The following PIBF1 variants were observed in gnomAD, a reference collection of about 807,000 sequenced individuals.
The protein encoded by PIBF1 is progesterone immunomodulatory binding factor 1.
A neutral mutation model predicts 112.5 loss-of-function variants in PIBF1; 90 were observed. That is an observed-to-expected ratio of 0.80 (90% CI 0.67 to 0.95). The LOEUF (loss-of-function observed/expected upper bound fraction) is 0.95, where lower values mean the gene tolerates loss of function less well. Ranked by LOEUF, PIBF1 falls within the 40% of genes least tolerant of loss-of-function variation. PIBF1 has a pLI of 0.00. For synonymous variants in PIBF1, 301 were observed against 288.6 expected (o/e 1.04, Z -0.44); for missense variants, 915 against 852.3 (o/e 1.07, Z -0.92).
chr13:72,861,314 ATATAT>A (rs1566371565), intron 10 of PIBF1, among the ~76,000 whole-genome samples: 2 of 152,058 alleles, frequency 1.3e-5, no homozygotes, highest in East Asian at 1.9e-4. Context: ...TATTATGTAC[ATATAT>A]TATGTATTTT....
At chr13:72,985,263 C>T (rs2043249239) in intron 16 of PIBF1, among the ~76,000 whole-genome samples, 1 of 150,950 alleles carries the variant, frequency 6.6e-6, no homozygotes, top group Admixed American at 6.6e-5. Context: ...CGCAGTGGCT[C>T]ACGCCTGTAA....
In PIBF1 at chr13:72,786,926, T is replaced by G. The variant is rs184366898; in HGVS notation, c.252+3205T>G. Among the ~76,000 whole-genome samples the G allele has an allele frequency of 3.3e-5, 5 of 152,348 alleles. No individual in the cohort carries two copies. The East Asian group carries it at 9.6e-4, about 29-fold the overall frequency. ...GCACCTCTGTTGTAAGATGCATCAT[T>G]ACATACATTGCTAAGGTTAAACACT... is the stretch of plus-strand genomic sequence containing the variant. On this transcript the variant is annotated intron_variant, in intron 2 of 17. Coordinates refer to ENST00000326291, the MANE Select transcript of PIBF1 (RefSeq NM_006346.4).
intron 10 of PIBF1, among the ~76,000 whole-genome samples, chr13:72,866,811 C>T (rs2038947310): frequency 6.6e-6 from 1 of 151,830 alleles, no homozygotes; most frequent in Non-Finnish European, 1.5e-5. Flanking sequence ...ATTTTCGTTC[C>T]TTATTTTTTT....
rs375327445 is a variant in PIBF1, at chr13:72,928,211, G to A, written c.1731-2954G>A. Among the ~76,000 whole-genome samples, 22 of 150,930 alleles carry A rather than the reference G, an allele frequency of 1.5e-4. No homozygotes were observed. The South Asian group carries it at 4.0e-3, about 27-fold the overall frequency. ...CATCAACAGTCATACTAATACTCAC[G>A]GTCCTTCCCGTCACCATCAATTCTC... On this transcript the variant is annotated intron_variant, in intron 13 of 17. Coordinates refer to ENST00000326291, the MANE Select transcript of PIBF1 (RefSeq NM_006346.4).
In PIBF1 at chr13:72,998,845, T is replaced by G. The variant is rs370651159; in HGVS notation, c.2073T>G (p.Ile691Met). The change falls in exon 17 of 18, where the codon ATT (isoleucine) becomes ATG (methionine). Residue 691 changes from isoleucine (I) to methionine (M), a missense_variant. Transcript: ENST00000326291. ...AGGAATTGGCAGCAATGAAACAGAT[T>G]CTCGTTAAGATGCATAGTAAACATT... is the stretch of plus-strand genomic sequence containing the variant. ...HREELAAMKQILVKMHSKHSE... is the reference protein window; with the variant it reads ...HREELAAMKQMLVKMHSKHSE... The G allele has an allele frequency of 1.6e-5, 26 of 1,611,678 alleles. No individual in the cohort carries two copies. Among genetic ancestry groups the G allele is most frequent in the Non-Finnish European group, 1.6e-5 (19 of 1,179,042 alleles).
chr13:72,968,141 G>A lies in PIBF1; in HGVS notation c.1964+2737G>A, dbSNP rs574559858. 1.4e-4 allele frequency among the ~76,000 whole-genome samples: 21 copies of A among 151,750 alleles called. 1 individual carries two copies. In the East Asian group the frequency reaches 3.6e-3, roughly 26 times the overall value. ...AGAGCTTGCAGTGAGCCGAGATTGC[G>A]CCACTGCACTCCAACCTGGGCGACA... On this transcript the variant is annotated intron_variant, in intron 15 of 17. Transcript: ENST00000326291.
At chr13:72,975,550 C>T (rs1383548285) in intron 16 of PIBF1, among the ~76,000 whole-genome samples, 1 of 152,092 alleles carries the variant, frequency 6.6e-6, no homozygotes, top group Non-Finnish European at 1.5e-5. Context: ...TTGTCTGTAT[C>T]TGAGAAATGG....
At chr13:72,991,689 G>A (rs2043485970) in intron 16 of PIBF1, among the ~76,000 whole-genome samples, 2 of 151,506 alleles carry the variant, frequency 1.3e-5, no homozygotes, top group South Asian at 4.2e-4. Context: ...AGGAATTCAA[G>A]ACCAGCCTGG....
intron 10 of PIBF1, among the ~76,000 whole-genome samples, chr13:72,869,958 TATC>T (rs1162013346): frequency 6.6e-6 from 1 of 152,172 alleles, no homozygotes; most frequent in Admixed American, 6.5e-5. Context: ...ATGAAAAAGT[TATC>T]TTTTTTCTTT....
At chr13:72,851,546 G>C (rs960182838) in intron 9 of PIBF1, among the ~76,000 whole-genome samples, 3 of 152,238 alleles carry the variant, frequency 2.0e-5, no homozygotes, top group African/African-American at 7.2e-5. Context: ...GTGCCCTTTG[G>C]CACTCCAGGC....
At chr13:72,808,637 C>CACAT (rs751513109) in intron 5 of PIBF1, among the ~76,000 whole-genome samples, 108 of 152,122 alleles carry the variant, frequency 7.1e-4, no homozygotes, top group Non-Finnish European at 1.3e-3. Context: ...GTCTGTCCTA[C>CACAT]ACATATGTTG....
In PIBF1 at chr13:72,912,942, A is replaced by G. The variant is rs9543172; in HGVS notation, c.1640-4134A>G. Among the ~76,000 whole-genome samples, 693 of 151,698 alleles carry G rather than the reference A, an allele frequency of 4.6e-3. 2 individuals carry two copies. The highest frequency in any genetic ancestry group is 7.6e-3 in the Non-Finnish European group (518 of 67,852). ...ATTATACTATATGATTATAGTATATAGTATGATTATACTGTATGATTATAG... is the reference window on the plus strand; with the variant it reads ...ATTATACTATATGATTATAGTATATGGTATGATTATACTGTATGATTATAG... On this transcript the variant is annotated intron_variant, in intron 12 of 17. Coordinates refer to ENST00000326291, the MANE Select transcript of PIBF1 (RefSeq NM_006346.4).
At chr13:72,978,974 C>T (rs1377321363) in intron 16 of PIBF1, among the ~76,000 whole-genome samples, 3 of 152,136 alleles carry the variant, frequency 2.0e-5, no homozygotes, top group East Asian at 3.9e-4. Context: ...GTGGGAGGAA[C>T]GCTTGAGGCT....
At chr13:72,953,105 C>G (rs1566485354) in intron 14 of PIBF1, among the ~76,000 whole-genome samples, 2 of 152,022 alleles carry the variant, frequency 1.3e-5, no homozygotes, top group East Asian at 3.9e-4. Flanking sequence ...AGGGAGCCAC[C>G]ACAGCTCTCC....
At chr13:73,013,116 A>G (rs1406102675) in intron 17 of PIBF1, among the ~76,000 whole-genome samples, 2 of 151,542 alleles carry the variant, frequency 1.3e-5, no homozygotes, top group Non-Finnish European at 2.9e-5. Context: ...CCTGGCTAAC[A>G]CGGTGAAACC....
intron 9 of PIBF1, among the ~76,000 whole-genome samples, chr13:72,847,946 A>G (rs752986065): frequency 2.0e-5 from 3 of 152,208 alleles, no homozygotes; most frequent in Non-Finnish European, 2.9e-5. Context: ...CACTTTTCCT[A>G]TAAATAAGCC....
In PIBF1 at chr13:72,827,814, C is replaced by G; in HGVS notation, c.997C>G (p.Arg333Gly). 1.2e-6 allele frequency: 2 copies of G among 1,604,150 alleles called. No individual in the cohort carries two copies. The highest frequency in any genetic ancestry group is 1.7e-6 in the Non-Finnish European group (2 of 1,175,376). Residue 333 changes from arginine to glycine, a missense_variant, in exon 8 of 18, where the codon CGC (arginine) becomes GGC (glycine). Coordinates refer to ENST00000326291, the MANE Select transcript of PIBF1 (RefSeq NM_006346.4). ...LNRQNMELSVRCAHEEDRLER... is the reference protein window; with the variant it reads ...LNRQNMELSVGCAHEEDRLER... ...TCGCCAAAACATGGAGCTTAGTGTT[C>G]GCTGTGCTCATGAAGAGGATCGCCT...
intron 5 of PIBF1, among the ~76,000 whole-genome samples, chr13:72,811,608 A>AAAAAAAAAGAG (rs199831981): frequency 2.1e-5 from 3 of 139,650 alleles, no homozygotes; most frequent in African/African-American, 5.6e-5. Flanking sequence ...AAAAAAAAAA[A>AAAAAAAAAGAG]AGAGAGAGAA....
At chr13:72,812,811 T>C (rs1310713465) in intron 5 of PIBF1, among the ~76,000 whole-genome samples, 2 of 151,198 alleles carry the variant, frequency 1.3e-5, no homozygotes, top group Admixed American at 6.6e-5. Flanking sequence ...AACAAAAACT[T>C]AGCCAGGTGT....
Sources: allele counts gnomAD v4.1 joint callset (sites outside exome capture counted in the v4.1 genomes callset), GRCh38; gene constraint gnomAD v4.1.1; transcripts MANE v1.5; gene names NCBI Gene and HGNC (gene_info 2026-07-23, HGNC 2026-07-21).